The following KLHDC2 variants were observed in gnomAD, a reference collection of about 807,000 sequenced individuals.
KLHDC2 encodes the protein kelch domain-containing protein 2.
In KLHDC2, 38 loss-of-function variants were observed where a neutral mutation model predicts 62.3. The ratio of observed to expected loss-of-function variants is 0.61; its 90% CI spans 0.47 to 0.80. The LOEUF (loss-of-function observed/expected upper bound fraction) is 0.80. Among genes scored for constraint, KLHDC2 ranks in the 30% least tolerant of loss-of-function variants. The pLI, the probability that KLHDC2 is intolerant of heterozygous loss-of-function variation, is 0.00. For synonymous variants in KLHDC2, 159 were observed against 161.0 expected (o/e 0.99, Z 0.09); for missense variants, 430 against 495.3 (o/e 0.87, Z 1.25).
chr14:49,779,521 C>G, intron 6 of KLHDC2, 74 bp from the exon 7 acceptor site: 1 of 1,111,108 alleles, frequency 9.0e-7, no homozygotes. Context: ...TATTCTTATC[C>G]CATATCCAGA....
chr14:49,782,615 C>CACTT (rs1889958210), intron 12 of KLHDC2, 21 bp downstream of exon 12: 1 of 1,566,972 alleles, frequency 6.4e-7, no homozygotes, highest in Non-Finnish European at 8.7e-7. Context: ...TTGTACTTGG[C>CACTT]ACTTAGATTA....
intron 3 of KLHDC2, among the ~76,000 whole-genome samples, chr14:49,777,178 A>G (rs1014531262): frequency 2.6e-5 from 4 of 152,192 alleles, no homozygotes; most frequent in Admixed American, 2.0e-4. Context: ...GTTCTCACTC[A>G]TAAGTGGGAG....
rs772072730 is a variant in KLHDC2, at chr14:49,771,658, T to G, written c.218T>G (p.Met73Arg). ...LPREELWIYN[M>R]ETGRWKKINT... ...AGAGAAGAACTATGGATCTACAACA[T>G]GGAGACTGGAAGATGGTAAATGTGG... Residue 73 changes from methionine to arginine, a missense_variant, in exon 2 of 13, where the codon ATG (methionine) becomes AGG (arginine). By Grantham distance (91) the Met-to-Arg change is moderately conservative. Coordinates refer to ENST00000298307, the MANE Select transcript of KLHDC2 (RefSeq NM_014315.3). 6.6e-7 allele frequency: 1 copy of G among 1,505,026 alleles called. No individual in the cohort carries two copies. Among genetic ancestry groups the G allele is most frequent in the Non-Finnish European group, 9.3e-7 (1 of 1,080,726 alleles). 93.2% of individuals were successfully genotyped at this position (1,505,026 alleles called of 1,614,324 possible).
In KLHDC2 at chr14:49,784,992, G is replaced by A. The variant is rs1391383940; in HGVS notation, c.*2039G>A. 1 of 1,613,600 alleles carries A rather than the reference G, an allele frequency of 6.2e-7. No individual in the cohort carries two copies. The highest frequency in any genetic ancestry group is 1.7e-5 in the Admixed American group (1 of 59,998). On this transcript the variant is annotated 3_prime_UTR_variant, in exon 13 of 13. Coordinates refer to ENST00000298307, the MANE Select transcript of KLHDC2 (RefSeq NM_014315.3). The stretch of plus-strand genomic sequence containing the variant: ...TTTGGAATGCATGAAACTATTCAAG[G>A]CTGTTTTTGCAGCTGTAAATACAAA...
intron 10 of KLHDC2, 66 bp from the exon 11 acceptor site, chr14:49,782,304 T>A: frequency 1.0e-6 from 1 of 970,536 alleles, no homozygotes; most frequent in South Asian, 1.4e-5. Flanking sequence ...ATAGCTCTAT[T>A]CTGTAGTATA....
rs771257000 is a variant in KLHDC2, at chr14:49,784,632, T to A, written c.*1679T>A. Reference sequence around the variant, plus strand: ...TTCTCAAATATTTTAGAATTTCATTTCAGCTATTTCCTTTTTACGTTCAGA... The same window carrying A: ...TTCTCAAATATTTTAGAATTTCATTACAGCTATTTCCTTTTTACGTTCAGA... On this transcript the variant is annotated 3_prime_UTR_variant, in exon 13 of 13. Coordinates refer to ENST00000298307, the MANE Select transcript of KLHDC2 (RefSeq NM_014315.3). 46 of 1,598,904 alleles carry A rather than the reference T, an allele frequency of 2.9e-5. 1 individual carries two copies. In the South Asian group the frequency reaches 5.1e-4, roughly 18 times the overall value.
chr14:49,774,020 T>C (rs532577210), intron 2 of KLHDC2, among the ~76,000 whole-genome samples: 35 of 152,234 alleles, frequency 2.3e-4, no homozygotes, highest in Admixed American at 1.2e-3. Context: ...TTGATTCAGA[T>C]CAATTTTTAG....
At position 49,783,721 on chromosome 14, in the gene KLHDC2, A is replaced by AAATT. The variant is rs1890026546; in HGVS notation, c.*771_*774dup. The AAATT allele has an allele frequency of 6.6e-6, 1 of 152,150 alleles. No homozygotes were observed. 9.4% of individuals were successfully genotyped at this position (152,150 alleles called of 1,614,324 possible). On this transcript the variant is annotated 3_prime_UTR_variant, in exon 13 of 13. Coordinates refer to ENST00000298307, the MANE Select transcript of KLHDC2 (RefSeq NM_014315.3). ...ATTGGTAATTAATTACTAAAGGTGGAAATTAAAATGGTACAGAACTGAATC... is the reference window on the plus strand; with the variant it reads ...ATTGGTAATTAATTACTAAAGGTGGAAATTAATTAAAATGGTACAGAACTGAATC...
chr14:49,779,097 T>G (rs2139799197), intron 6 of KLHDC2, among the ~76,000 whole-genome samples: 1 of 152,330 alleles, frequency 6.6e-6, no homozygotes, highest in South Asian at 2.1e-4. Flanking sequence ...CAGTCAACTA[T>G]CTCTAATCCA....
At chr14:49,780,065 A>G in intron 8 of KLHDC2, 148 bp from the exon 9 acceptor site, 1 of 629,720 alleles carries the variant, frequency 1.6e-6, no homozygotes, top group South Asian at 2.0e-5. Flanking sequence ...AAAATATTTC[A>G]GTATAAAGCA....
chr14:49,781,385 A>AAAG lies in KLHDC2; in HGVS notation c.956+610_956+611insAAG, dbSNP rs35304736. Among the ~76,000 whole-genome samples the AAAG allele has an allele frequency of 2.4e-4, 36 of 150,842 alleles. No homozygotes were observed. In the Middle Eastern group the frequency reaches 0.01, roughly 43 times the overall value. ...ACTCTGTCTCAAAAAAAAAAAAAAA[A>AAAG]GGGGGTAGAGGTGCTGGAATGGGTA... On this transcript the variant is annotated intron_variant, in intron 10 of 12. Coordinates refer to ENST00000298307, the MANE Select transcript of KLHDC2 (RefSeq NM_014315.3).
chr14:49,785,918 T>C lies in KLHDC2; in HGVS notation c.*2965T>C, dbSNP rs1890157268. On this transcript the variant is annotated 3_prime_UTR_variant, in exon 13 of 13. Transcript: ENST00000298307. ...AAAAAAAAAAAAAGGAAAAAAACTA[T>C]TGGATATTACCTGAGTTGCAGAAAC... The C allele has an allele frequency of 6.6e-6, 1 of 151,630 alleles. No individual in the cohort carries two copies. The highest frequency in any genetic ancestry group is 6.6e-5 in the Admixed American group (1 of 15,156). The allele number at this position is 151,630 out of a possible 1,614,324, so 9.4% of individuals were successfully genotyped here. A position where few individuals can be genotyped will look rare whatever the true frequency, so the allele number is the denominator to read the frequency against.
intron 9 of KLHDC2, 107 bp downstream of exon 9, chr14:49,780,429 G>A: frequency 1.3e-6 from 1 of 787,534 alleles, no homozygotes; most frequent in South Asian, 1.5e-5. Flanking sequence ...GGGTTGGTTG[G>A]AAGGTTTGAA....
At position 49,776,885 on chromosome 14, in the gene KLHDC2, C is replaced by T. The variant is rs977458682; in HGVS notation, c.352-954C>T. 1.7e-4 allele frequency among the ~76,000 whole-genome samples: 26 copies of T among 151,418 alleles called. 1 individual carries two copies. The highest frequency in any genetic ancestry group is 3.1e-4 in the Non-Finnish European group (21 of 67,942). ...TGAGCCGAGATCATGCCACTGCACT[C>T]CAGCCTGGGTGACAGAGCGAGATTC... On this transcript the variant is annotated intron_variant, in intron 3 of 12. Transcript: ENST00000298307.
intron 8 of KLHDC2, 40 bp from the exon 9 acceptor site, chr14:49,780,173 C>A: frequency 8.1e-7 from 1 of 1,232,494 alleles, no homozygotes; most frequent in Non-Finnish European, 1.2e-6. Context: ...ACAGTAGCTG[C>A]TTCTAAATGC....
chr14:49,771,559 C>A (rs765988502), intron 1 of KLHDC2, 35 bp from the exon 2 acceptor site: 2 of 905,576 alleles, frequency 2.2e-6, no homozygotes, highest in South Asian at 1.4e-5. Flanking sequence ...CTTTAAAATA[C>A]CAGTTTTTAT....
rs1889812682 is a variant in KLHDC2 at position 49,778,226 on chromosome 14, G to C, written c.516G>C (p.Leu172Phe). The change falls in exon 5 of 13, where the codon TTG (leucine) becomes TTC (phenylalanine). Residue 172 changes from leucine to phenylalanine, a missense_variant. Physicochemically the swap from Leu to Phe is conservative, Grantham distance 22 (BLOSUM62 0). Coordinates refer to ENST00000298307, the MANE Select transcript of KLHDC2 (RefSeq NM_014315.3). ...GYGYLPEDKVLGTFEFDETSF... is the reference protein window; with the variant it reads ...GYGYLPEDKVFGTFEFDETSF... ...GATATTTGCCTGAAGATAAAGTATT[G>C]GGAACTTTTGAATTCGATGAAACAT... 1 of 1,610,318 alleles carries C rather than the reference G, an allele frequency of 6.2e-7. No homozygotes were observed.
chr14:49,777,818 T>C, intron 3 of KLHDC2, 21 bp from the exon 4 acceptor site: 1 of 1,304,664 alleles, frequency 7.7e-7, no homozygotes, highest in Non-Finnish European at 1.1e-6. Flanking sequence ...CAACTCTAAC[T>C]GAAATCATTG....
chr14:49,780,896 T>C, intron 10 of KLHDC2, 121 bp downstream of exon 10: 1 of 654,164 alleles, frequency 1.5e-6, no homozygotes, highest in South Asian at 1.8e-5. Flanking sequence ...TTGAAATACT[T>C]CTCAAAGAAA....
Sources: allele counts gnomAD v4.1 joint callset (sites outside exome capture counted in the v4.1 genomes callset), GRCh38; gene constraint gnomAD v4.1.1; transcripts MANE v1.5; gene names NCBI Gene and HGNC (gene_info 2026-07-23, HGNC 2026-07-21).